ADGRL3: variants seen among roughly 807,000 people sequenced by gnomAD.
The protein encoded by ADGRL3 is adhesion G protein-coupled receptor L3.
A neutral mutation model predicts 153.5 loss-of-function variants in ADGRL3; 62 were observed. That is an observed-to-expected ratio of 0.40 (90% confidence interval 0.33 to 0.50). The LOEUF (loss-of-function observed/expected upper bound fraction) is 0.50. Ranked by LOEUF, ADGRL3 falls within the 20% of genes least tolerant of loss-of-function variation. The pLI is 0.47. For synonymous variants in ADGRL3, 710 were observed against 672.5 expected (o/e 1.06, Z -0.86); for missense variants, 1,641 against 1,859.4 (o/e 0.88, Z 2.16).
intron 2 of ADGRL3, among the ~76,000 whole-genome samples, chr4:61,399,776 T>A (rs965503444): frequency 1.3e-5 from 2 of 151,724 alleles, no homozygotes; most frequent in African/African-American, 2.4e-5. Context: ...AAATCTTCCC[T>A]CTTGCTCTAT....
intron 1 of ADGRL3, among the ~76,000 whole-genome samples, chr4:61,279,943 G>A (rs919663962): frequency 6.6e-6 from 1 of 152,030 alleles, no homozygotes; most frequent in Non-Finnish European, 1.5e-5. Flanking sequence ...AGTAGTAGCT[G>A]GTTGAGACTT....
chr4:61,533,743 T>C (rs1197344781), intron 4 of ADGRL3, among the ~76,000 whole-genome samples: 2 of 152,172 alleles, frequency 1.3e-5, no homozygotes, highest in African/African-American at 4.8e-5. Flanking sequence ...TGCACTCAAA[T>C]GTCTGATGAG....
At chr4:61,569,756 T>C (rs2098830875) in intron 4 of ADGRL3, among the ~76,000 whole-genome samples, 1 of 152,178 alleles carries the variant, frequency 6.6e-6, no homozygotes, top group African/African-American at 2.4e-5. Flanking sequence ...TATCTGTACT[T>C]CAATCCTTTT....
At chr4:61,693,103 T>G in intron 6 of ADGRL3, among the ~76,000 whole-genome samples, 1 of 152,222 alleles carries the variant, frequency 6.6e-6, no homozygotes, top group Admixed American at 6.5e-5. Flanking sequence ...AGAATAGGTT[T>G]TTTTATTATT....
intron 5 of ADGRL3, among the ~76,000 whole-genome samples, chr4:61,631,718 T>A (rs542980235): frequency 6.6e-6 from 1 of 152,346 alleles, no homozygotes; most frequent in East Asian, 1.9e-4. Flanking sequence ...TTAATTAAAA[T>A]CAGAAATGTG....
intron 9 of ADGRL3, among the ~76,000 whole-genome samples, chr4:61,889,696 A>C (rs1168848608): frequency 6.6e-6 from 1 of 152,208 alleles, no homozygotes; most frequent in Non-Finnish European, 1.5e-5. Context: ...ACTTAAATAG[A>C]GGACAAAGAT....
intron 2 of ADGRL3, among the ~76,000 whole-genome samples, chr4:61,400,649 T>G (rs1297713657): frequency 6.6e-6 from 1 of 151,926 alleles, no homozygotes; most frequent in Non-Finnish European, 1.5e-5. Flanking sequence ...ACTATCAATG[T>G]TACTTTGTGT....
chr4:61,259,416 C>CT (rs1445755979), intron 1 of ADGRL3, among the ~76,000 whole-genome samples: 8 of 144,720 alleles, frequency 5.5e-5, no homozygotes, highest in African/African-American at 2.1e-4. Context: ...GAGTGAGACT[C>CT]TGTCTCAAAA....
At chr4:61,771,237 C>T (rs1272899055) in intron 8 of ADGRL3, among the ~76,000 whole-genome samples, 1 of 152,182 alleles carries the variant, frequency 6.6e-6, no homozygotes, top group Non-Finnish European at 1.5e-5. Context: ...GACCCCTGTG[C>T]AAGTTCCCTT....
At chr4:61,847,634 T>TTATATATATAATATAAAA (rs2098134792) in intron 9 of ADGRL3, among the ~76,000 whole-genome samples, 1 of 42,560 alleles carries the variant, frequency 2.3e-5, no homozygotes, top group African/African-American at 1.2e-4. Flanking sequence ...ATAAAATATA[T>TTATATATATAATATAAAA]TATATATATA....
intron 6 of ADGRL3, among the ~76,000 whole-genome samples, chr4:61,723,739 C>T (rs1186437239): frequency 6.6e-6 from 1 of 152,110 alleles, no homozygotes; most frequent in Non-Finnish European, 1.5e-5. Context: ...GATCAGGTTT[C>T]TATTTCCCAG....
At chr4:61,867,505 AATATATATGCATATATAT>A (rs1322600794) in intron 9 of ADGRL3, among the ~76,000 whole-genome samples, 1 of 35,678 alleles carries the variant, frequency 2.8e-5, no homozygotes, top group Non-Finnish European at 6.6e-5. Context: ...GTCTCAAAAA[AATATATATGCATATATAT>A]ATATATATAT....
intron 1 of ADGRL3, among the ~76,000 whole-genome samples, chr4:61,218,981 C>G (rs891360578): frequency 3.6e-4 from 55 of 152,276 alleles, no homozygotes; most frequent in African/African-American, 1.2e-3. Flanking sequence ...ATTGGCTGCT[C>G]TATGTAGACA....
intron 1 of ADGRL3, among the ~76,000 whole-genome samples, chr4:61,368,576 C>T (rs1162704702): frequency 1.3e-5 from 2 of 151,504 alleles, no homozygotes; most frequent in Admixed American, 6.6e-5. Flanking sequence ...CTGTTCTGTT[C>T]CATTGATCTA....
intron 2 of ADGRL3, among the ~76,000 whole-genome samples, chr4:61,412,577 A>G (rs1279424908): frequency 1.3e-5 from 2 of 152,190 alleles, no homozygotes; most frequent in African/African-American, 4.8e-5. Flanking sequence ...CTGGAATGGT[A>G]AATCTTTTGT....
intron 1 of ADGRL3, among the ~76,000 whole-genome samples, chr4:61,313,814 G>A (rs902784973): frequency 6.6e-6 from 1 of 152,146 alleles, no homozygotes; most frequent in African/African-American, 2.4e-5. Context: ...GGTCTTAGGT[G>A]ACCAGAGCCT....
intron 25 of ADGRL3, among the ~76,000 whole-genome samples, chr4:62,066,712 A>C (rs1743166915): frequency 1.3e-5 from 2 of 152,136 alleles, no homozygotes; most frequent in Non-Finnish European, 2.9e-5. Flanking sequence ...CTAGAACAGA[A>C]TATAGTGAAG....
chr4:61,646,707 G>A (rs926824465), intron 5 of ADGRL3, among the ~76,000 whole-genome samples: 1 of 152,126 alleles, frequency 6.6e-6, no homozygotes, highest in African/African-American at 2.4e-5. Flanking sequence ...ACTTAAGTCT[G>A]CAGAGGTTAC....
At chr4:61,397,689 T>C (rs1159882187) in intron 2 of ADGRL3, among the ~76,000 whole-genome samples, 1 of 151,870 alleles carries the variant, frequency 6.6e-6, no homozygotes, top group Non-Finnish European at 1.5e-5. Flanking sequence ...CCAGGAAGAT[T>C]TGAGAACACA....
Sources: allele counts gnomAD v4.1 joint callset (sites outside exome capture counted in the v4.1 genomes callset), GRCh38; gene constraint gnomAD v4.1.1; transcripts MANE v1.5; gene names NCBI Gene and HGNC (gene_info 2026-07-23, HGNC 2026-07-21).